U2SURP: variants seen among roughly 807,000 people sequenced by gnomAD.
The protein encoded by U2SURP is U2 snRNP-associated SURP motif-containing protein.
U2SURP carries 9 observed loss-of-function variants against 144.9 expected under a neutral mutation model. The observed-to-expected ratio is 0.06, with a 90% CI of 0.04 to 0.11. The LOEUF is 0.11. Ranked by LOEUF, U2SURP falls within the 10% of genes least tolerant of loss-of-function variation. U2SURP has a pLI of 1.00. For missense variants in U2SURP, 724 were observed against 1,226.7 expected (o/e 0.59, Z 6.12); for synonymous variants, 408 against 396.8 (o/e 1.03, Z -0.33).
chr3:143,018,502 T>G (rs1014720869), intron 6 of U2SURP, among the ~76,000 whole-genome samples: 2 of 152,242 alleles, frequency 1.3e-5, no homozygotes, highest in African/African-American at 4.8e-5. Flanking sequence ...ATAATGCTGC[T>G]GTAAACATTC....
At chr3:143,006,217 A>G (rs897450277) in intron 1 of U2SURP, among the ~76,000 whole-genome samples, 3 of 152,318 alleles carry the variant, frequency 2.0e-5, no homozygotes, top group African/African-American at 7.2e-5. Flanking sequence ...AACTTTATTT[A>G]TATAGTGCTT....
intron 18 of U2SURP, among the ~76,000 whole-genome samples, chr3:143,034,224 T>G (rs1327073506): frequency 2.6e-5 from 4 of 152,120 alleles, no homozygotes; most frequent in African/African-American, 7.2e-5. Context: ...GCCAACGTGG[T>G]GAAACCCCAT....
At chr3:143,016,476 G>T in intron 5 of U2SURP, 105 bp downstream of exon 5, 3 of 928,480 alleles carry the variant, frequency 3.2e-6, no homozygotes, top group Non-Finnish European at 4.9e-6. Context: ...ATGAAAGGAA[G>T]TTTGGTTGCT....
chr3:143,017,047 A>C, intron 6 of U2SURP, 72 bp downstream of exon 6: 1 of 1,434,696 alleles, frequency 7.0e-7, no homozygotes, highest in Non-Finnish European at 9.2e-7. Context: ...CACTGTAAGC[A>C]AGACTTTGGC....
chr3:143,024,414 T>C (rs569434561), intron 13 of U2SURP: 7 of 401,814 alleles, frequency 1.7e-5, no homozygotes, highest in African/African-American at 6.4e-5. Flanking sequence ...GCATTTAATA[T>C]ATAACCTTGG....
rs1289234031 is a variant in U2SURP at position 143,059,443 on chromosome 3, T to A, written c.*2993T>A. 2 of 152,040 alleles carry A rather than the reference T, an allele frequency of 1.3e-5. No individual in the cohort carries two copies. 9.4% of individuals were successfully genotyped at this position (152,040 alleles called of 1,614,324 possible). ...ATTCTTGAGCACTTGAAAATACTTT[T>A]GAGAAATTTTAACTGTGATTAAATT... On this transcript the variant is annotated 3_prime_UTR_variant, in exon 28 of 28. Transcript: ENST00000473835.
Position 143,010,927 on chromosome 3 carries a change from C to T in U2SURP, c.90+68C>T, listed in dbSNP as rs896037224. On this transcript the variant is annotated intron_variant, in intron 2 of 27. Coordinates refer to ENST00000473835, the MANE Select transcript of U2SURP (RefSeq NM_001080415.2). Reference sequence around the variant, plus strand: ...TAACTTCTCCTCATATGTATCCCTACATCAATGATTTTACTTGACAAATAA... The same window carrying T: ...TAACTTCTCCTCATATGTATCCCTATATCAATGATTTTACTTGACAAATAA... 6 of 1,156,922 alleles carry T rather than the reference C, an allele frequency of 5.2e-6. No homozygotes were observed. In the African/African-American group the frequency reaches 9.3e-5, roughly 18 times the overall value. The allele number at this position is 1,156,922 out of a possible 1,614,324, so 71.7% of individuals were successfully genotyped here.
chr3:143,058,919 T>C lies in U2SURP; in HGVS notation c.*2469T>C, dbSNP rs139142135. The C allele has an allele frequency of 5.1e-4, 78 of 152,030 alleles. No individual in the cohort carries two copies. Among genetic ancestry groups the C allele is most frequent in the African/African-American group, 1.9e-3 (78 of 41,548 alleles). 9.4% of individuals were successfully genotyped at this position (152,030 alleles called of 1,614,324 possible). On this transcript the variant is annotated 3_prime_UTR_variant, in exon 28 of 28. Coordinates refer to ENST00000473835, the MANE Select transcript of U2SURP (RefSeq NM_001080415.2). Reference sequence around the variant, plus strand: ...ACGTGCCAGAGTTGTTTTCCACAGTTCTTATAAAGGGCATGACTTAGGCTC... The same window carrying C: ...ACGTGCCAGAGTTGTTTTCCACAGTCCTTATAAAGGGCATGACTTAGGCTC...
intron 13 of U2SURP, chr3:143,024,627 T>C (rs1364636752): frequency 8.7e-6 from 3 of 342,926 alleles, no homozygotes; most frequent in Non-Finnish European, 1.7e-5. Context: ...ATTCATGCTG[T>C]AGGTATGCTC....
chr3:143,047,670 A>G (rs1578168369), intron 24 of U2SURP, among the ~76,000 whole-genome samples: 1 of 46,334 alleles, frequency 2.2e-5, no homozygotes, highest in East Asian at 8.4e-4. Flanking sequence ...GGCCGGGCAG[A>G]GGGGCTCCTC....
chr3:143,046,009 A>G (rs922361186), intron 24 of U2SURP, among the ~76,000 whole-genome samples: 5 of 152,204 alleles, frequency 3.3e-5, no homozygotes, highest in African/African-American at 9.7e-5. Flanking sequence ...TTAGAATCCA[A>G]ACCCTTTTAT....
At chr3:143,021,427 A>T (rs1578129821) in intron 9 of U2SURP, 42 bp downstream of exon 9, 2 of 1,609,422 alleles carry the variant, frequency 1.2e-6, no homozygotes, top group African/African-American at 2.7e-5. Context: ...AATTTTCCAA[A>T]CTTTATGTTT....
intron 19 of U2SURP, 100 bp downstream of exon 19, chr3:143,035,075 A>C: frequency 1.8e-6 from 1 of 566,856 alleles, no homozygotes; most frequent in Non-Finnish European, 2.9e-6. Context: ...ATGAGACATA[A>C]ATTTAAAACT....
At chr3:143,017,160 A>G (rs1037621569) in intron 6 of U2SURP, 185 bp downstream of exon 6, 1 of 448,174 alleles carries the variant, frequency 2.2e-6, no homozygotes, top group Non-Finnish European at 3.9e-6. Flanking sequence ...GGACACGTAG[A>G]TGATATTCTT....
intron 24 of U2SURP, among the ~76,000 whole-genome samples, chr3:143,048,649 C>G (rs1041957739): frequency 6.6e-6 from 1 of 152,112 alleles, no homozygotes; most frequent in South Asian, 2.1e-4. Flanking sequence ...TGAAATCCCA[C>G]CACTTTGGGA....
At chr3:143,033,148 C>T in intron 17 of U2SURP, 123 bp from the exon 18 acceptor site, 1 of 821,212 alleles carries the variant, frequency 1.2e-6, no homozygotes, top group Non-Finnish European at 1.9e-6. Flanking sequence ...TTCATCTCTG[C>T]CAGAGTCATA....
chr3:143,023,460 A>G (rs1021721539), intron 12 of U2SURP: 2 of 169,722 alleles, frequency 1.2e-5, no homozygotes, highest in African/African-American at 4.8e-5. Context: ...GTATTAGAAT[A>G]TTTGAGAAGA....
intron 24 of U2SURP, among the ~76,000 whole-genome samples, chr3:143,050,315 C>T (rs998443438): frequency 5.9e-5 from 9 of 152,128 alleles, no homozygotes; most frequent in Non-Finnish European, 8.8e-5. Flanking sequence ...TCAGGTGATC[C>T]GCCCACCTCG....
At chr3:143,014,057 C>A (rs943226961) in intron 3 of U2SURP, among the ~76,000 whole-genome samples, 2 of 117,456 alleles carry the variant, frequency 1.7e-5, no homozygotes, top group Non-Finnish European at 3.3e-5. Context: ...TCTATTTTTA[C>A]CTTTTTTTTT....
Sources: gnomAD v4.1 joint callset for allele counts (sites outside exome capture counted in the v4.1 genomes callset) on GRCh38, gnomAD v4.1.1 for gene constraint, MANE v1.5 for transcripts, NCBI Gene and HGNC (gene_info 2026-07-23, HGNC 2026-07-21) for gene names.